The following FOLH1 variants were observed in gnomAD, a reference collection of about 807,000 sequenced individuals.
The protein encoded by FOLH1 is glutamate carboxypeptidase 2.
In FOLH1, 54 loss-of-function variants were observed where a neutral mutation model predicts 93.9. That is an observed-to-expected ratio of 0.57 (90% confidence interval 0.46 to 0.72). The LOEUF (loss-of-function observed/expected upper bound fraction) is 0.72. Among genes scored for constraint, FOLH1 ranks in the 30% least tolerant of loss-of-function variants. The probability of loss-of-function intolerance (pLI) is 0.00; values close to 1 mark genes in which losing one functional copy is unlikely to be tolerated. For synonymous variants in FOLH1, 249 were observed against 303.6 expected (o/e 0.82, Z 1.87); for missense variants, 571 against 892.5 (o/e 0.64, Z 4.59).
intron 6 of FOLH1, among the ~76,000 whole-genome samples, chr11:49,184,805 C>T (rs1861185262): frequency 6.6e-6 from 1 of 152,168 alleles, no homozygotes. Context: ...TTTTTGTAAA[C>T]ATCATTAAAT....
intron 7 of FOLH1, among the ~76,000 whole-genome samples, chr11:49,179,238 G>T (rs1451577775): frequency 1.3e-5 from 2 of 152,186 alleles, no homozygotes; most frequent in Non-Finnish European, 2.9e-5. Context: ...GACTATTCTG[G>T]CTGGGATATA....
At chr11:49,161,844 G>T (rs370751760) in intron 13 of FOLH1, among the ~76,000 whole-genome samples, 1 of 152,136 alleles carries the variant, frequency 6.6e-6, no homozygotes, top group Non-Finnish European at 1.5e-5. Context: ...CTCAGCATTT[G>T]CTTGTCTTGA....
chr11:49,168,721 T>C (rs1858787699), intron 12 of FOLH1, among the ~76,000 whole-genome samples: 1 of 152,204 alleles, frequency 6.6e-6, no homozygotes, highest in African/African-American at 2.4e-5. Context: ...TCCACCCGCT[T>C]CAGCCTCCCA....
At chr11:49,175,996 C>A (rs17815807) in intron 7 of FOLH1, 39 bp from the exon 8 acceptor site, 71,596 of 1,588,250 alleles carry the variant, frequency 0.045, 1,881 homozygotes, top group Non-Finnish European at 0.052. Context: ...CACAAAAAAA[C>A]CTTGAAGTAA....
chr11:49,177,387 A>G (rs2135126499), intron 7 of FOLH1, among the ~76,000 whole-genome samples: 1 of 152,270 alleles, frequency 6.6e-6, no homozygotes, highest in Non-Finnish European at 1.5e-5. Context: ...ACAGCAGAGT[A>G]TTAAATAAAC....
intron 14 of FOLH1, among the ~76,000 whole-genome samples, chr11:49,157,322 T>A (rs1857137340): frequency 6.6e-6 from 1 of 151,976 alleles, no homozygotes; most frequent in Non-Finnish European, 1.5e-5. Flanking sequence ...AGAAAAAGGA[T>A]AATTACAAGG....
intron 13 of FOLH1, among the ~76,000 whole-genome samples, chr11:49,161,505 T>C (rs1162462266): frequency 2.0e-5 from 3 of 152,234 alleles, no homozygotes; most frequent in Non-Finnish European, 4.4e-5. Flanking sequence ...TCTATTTATT[T>C]TGACTTATGT....
chr11:49,169,262 T>C lies in FOLH1; in HGVS notation c.1309-4A>G. 14 of 1,612,494 alleles carry C rather than the reference T, an allele frequency of 8.7e-6. No individual in the cohort carries two copies. The highest frequency in any genetic ancestry group is 1.2e-5 in the Non-Finnish European group (14 of 1,178,820). ...CTTGAAGGAGTCTTGAATTCTCCTA[T>C]AATAAAAAGGAAAACTATAAATATA... On this transcript the variant is annotated splice_region_variant and splice_polypyrimidine_tract_variant and intron_variant, in intron 11 of 18. Transcript: ENST00000256999.
chr11:49,178,300 C>T (rs1860339225), intron 7 of FOLH1, among the ~76,000 whole-genome samples: 1 of 152,216 alleles, frequency 6.6e-6, no homozygotes, highest in African/African-American at 2.4e-5. Flanking sequence ...CAGCAGAGAA[C>T]TATGCTAATA....
chr11:49,185,932 C>A (rs974302431), intron 5 of FOLH1, 77 bp from the exon 6 acceptor site: 1 of 1,459,410 alleles, frequency 6.9e-7, no homozygotes, highest in Non-Finnish European at 9.1e-7. Context: ...TTCAATATTA[C>A]ACTTAAATGA....
rs1376075867 is a variant in FOLH1 at position 49,208,338 on chromosome 11, C to T, written c.72G>A (p.Gly24=). 1 of 1,598,894 alleles carries T rather than the reference C, an allele frequency of 6.3e-7. No homozygotes were observed. The highest frequency in any genetic ancestry group is 8.5e-7 in the Non-Finnish European group (1 of 1,171,518). ...TARRPRWLCA[G]ALVLAGGFFL... ...AGAAGCCACCCGCCAGCACCAGCGC[C>T]CCAGCGCACAGCCAGCGCGGGCGGC... The change falls in exon 1 of 19, where the codon GGG becomes GGA. Residue 24 remains glycine (G), a synonymous_variant. Coordinates refer to ENST00000256999, the MANE Select transcript of FOLH1 (RefSeq NM_004476.3).
At chr11:49,168,829 A>C (rs990502621) in intron 12 of FOLH1, among the ~76,000 whole-genome samples, 4 of 152,174 alleles carry the variant, frequency 2.6e-5, no homozygotes, top group African/African-American at 9.7e-5. Context: ...CCCTGAGTTA[A>C]TCATTCAACA....
At position 49,206,966 on chromosome 11, in the gene FOLH1, T is replaced by C. The variant is rs769960061; in HGVS notation, c.119-794A>G. On this transcript the variant is annotated intron_variant, in intron 1 of 18. Transcript: ENST00000256999. ...TTACAAAATTAGTCCCCAACCAGCTTTCATGGAGCTTTCCAATTATTAATT... is the reference window on the plus strand; with the variant it reads ...TTACAAAATTAGTCCCCAACCAGCTCTCATGGAGCTTTCCAATTATTAATT... 3.8e-5 allele frequency: 22 copies of C among 583,834 alleles called. 1 individual carries two copies. The highest frequency in any genetic ancestry group is 6.7e-5 in the Non-Finnish European group (22 of 328,138). 36.2% of individuals were successfully genotyped at this position (583,834 alleles called of 1,614,324 possible). A position where few individuals can be genotyped will look rare whatever the true frequency, so the allele number is the denominator to read the frequency against.
intron 1 of FOLH1, 47 bp downstream of exon 1, chr11:49,208,245 C>T (rs1477478247): frequency 1.5e-6 from 2 of 1,332,578 alleles, no homozygotes; most frequent in African/African-American, 2.9e-5. Flanking sequence ...AGCACCGCGG[C>T]ACCACGGGGA....
chr11:49,157,114 G>A (rs1055648642), intron 14 of FOLH1, among the ~76,000 whole-genome samples: 29 of 151,948 alleles, frequency 1.9e-4, no homozygotes, highest in African/African-American at 6.3e-4. Flanking sequence ...ACATAATAGA[G>A]TGAAAAGCAA....
rs1192487793 is a variant in FOLH1, at chr11:49,173,404, G to T, written c.1178C>A (p.Ala393Asp). The T allele has an allele frequency of 6.2e-7, 1 of 1,611,662 alleles. No homozygotes were observed. Among genetic ancestry groups the T allele is most frequent in the Non-Finnish European group, 8.5e-7 (1 of 1,178,694 alleles). ...GCTCCTCACAATTTCATGAACAACA[G>T]CTGCTCCACTCTGAGGGTCAATACC... The part of the protein sequence containing the change: ...FGGIDPQSGA[A>D]VVHEIVRSFG... Residue 393 changes from alanine (A) to aspartate (D), a missense_variant, in exon 10 of 19, where the codon GCT becomes GAT. By Grantham distance (126) the Ala-to-Asp change is moderately radical. Coordinates refer to ENST00000256999, the MANE Select transcript of FOLH1 (RefSeq NM_004476.3).
At position 49,164,908 on chromosome 11, in the gene FOLH1, CAACT is replaced by C. The variant is rs1175267348; in HGVS notation, c.1373-140_1373-137del. The stretch of plus-strand genomic sequence containing the variant: ...CAACTGTAACTCTCCAATGGCTTCC[CAACT>C]AACTCTGTAAAGTCCATCATTCTCA... On this transcript the variant is annotated intron_variant, in intron 12 of 18. Coordinates refer to ENST00000256999, the MANE Select transcript of FOLH1 (RefSeq NM_004476.3). 3.7e-5 allele frequency: 26 copies of C among 697,778 alleles called. No individual in the cohort carries two copies. The Admixed American group carries it at 6.8e-4, about 18-fold the overall frequency. 43.2% of individuals were successfully genotyped at this position (697,778 alleles called of 1,614,324 possible).
rs144824954 is a variant in FOLH1 at position 49,164,515 on chromosome 11, G to A, written c.1440+190C>T. ...GCTACTAATGGGCTACCTCACACTGGTGTGGTGAGAAATGAGGCAATCTGT... is the reference window on the plus strand; with the variant it reads ...GCTACTAATGGGCTACCTCACACTGATGTGGTGAGAAATGAGGCAATCTGT... On this transcript the variant is annotated intron_variant, in intron 13 of 18. Transcript: ENST00000256999. 1.3e-3 allele frequency among the ~76,000 whole-genome samples: 200 copies of A among 152,286 alleles called. 1 individual carries two copies. The highest frequency in any genetic ancestry group is 4.5e-3 in the African/African-American group (188 of 41,556).
At chr11:49,151,375 C>CAT (rs35833041) in intron 17 of FOLH1, among the ~76,000 whole-genome samples, 151,340 of 152,350 alleles carry the variant, frequency 0.99, 75,184 homozygotes, top group Middle Eastern at 1. Flanking sequence ...TACAAAAACT[C>CAT]GTGGCCACAC....
Sources: gnomAD v4.1 joint callset for allele counts (sites outside exome capture counted in the v4.1 genomes callset) on GRCh38, gnomAD v4.1.1 for gene constraint, MANE v1.5 for transcripts, NCBI Gene and HGNC (gene_info 2026-07-23, HGNC 2026-07-21) for gene names.